Variants in CIAPIN1 observed in about 807,000 individuals in gnomAD.
The protein encoded by CIAPIN1 is cytokine induced apoptosis inhibitor 1.
A neutral mutation model predicts 34.3 loss-of-function variants in CIAPIN1; 18 were observed. That is an observed-to-expected ratio of 0.52 (90% CI 0.36 to 0.78). CIAPIN1 has a LOEUF of 0.78. CIAPIN1 is among the 30% of genes least tolerant of loss of function. CIAPIN1 has a pLI of 0.00. For missense variants in CIAPIN1, 310 were observed against 372.5 expected (o/e 0.83, Z 1.38); for synonymous variants, 131 against 140.4 (o/e 0.93, Z 0.47).
At position 57,428,996 on chromosome 16, in the gene CIAPIN1, C is replaced by T. The variant is rs1475993303; in HGVS notation, c.*174G>A. ...AATACCTTGGTCTTTTGATACACAGCAGCACTACACACCACTGTGCCCCCC... is the reference window on the plus strand; with the variant it reads ...AATACCTTGGTCTTTTGATACACAGTAGCACTACACACCACTGTGCCCCCC... On this transcript the variant is annotated 3_prime_UTR_variant, in exon 9 of 9. Coordinates refer to ENST00000394391, the MANE Select transcript of CIAPIN1 (RefSeq NM_020313.4). 2.2e-5 allele frequency: 13 copies of T among 584,406 alleles called. No homozygotes were observed. The highest frequency in any genetic ancestry group is 3.7e-5 in the Non-Finnish European group (12 of 325,490). The allele number at this position is 584,406 out of a possible 1,614,324, so 36.2% of individuals were successfully genotyped here.
At chr16:57,437,853 T>A (rs1903239900) in intron 3 of CIAPIN1, among the ~76,000 whole-genome samples, 2 of 152,280 alleles carry the variant, frequency 1.3e-5, no homozygotes, top group Admixed American at 6.5e-5. Flanking sequence ...ATTTGACAAA[T>A]CCTTTTTGTT....
At chr16:57,429,531 A>G (rs1036536892) in intron 8 of CIAPIN1, among the ~76,000 whole-genome samples, 5 of 151,858 alleles carry the variant, frequency 3.3e-5, no homozygotes, top group Non-Finnish European at 5.9e-5. Context: ...TCCCTCTGTC[A>G]CCCAGGCTGG....
intron 8 of CIAPIN1, among the ~76,000 whole-genome samples, chr16:57,429,561 A>G (rs957789934): frequency 8.6e-5 from 13 of 151,404 alleles, no homozygotes; most frequent in East Asian, 1.9e-4. Flanking sequence ...GCGCGATCTC[A>G]GCTCACTGCA....
chr16:57,436,524 G>A lies in CIAPIN1; in HGVS notation c.387+132C>T, dbSNP rs1598025148. 1.2e-5 allele frequency: 6 copies of A among 504,772 alleles called. No homozygotes were observed. In the East Asian group the frequency reaches 1.4e-4, roughly 11 times the overall value. 31.3% of individuals were successfully genotyped at this position (504,772 alleles called of 1,614,324 possible). ...ATTACAGACGTGAGCCACCACACCC[G>A]GCCGATTCTCCCAAGTTTTGTCCTT... On this transcript the variant is annotated intron_variant, in intron 4 of 8. Transcript: ENST00000394391.
chr16:57,433,911 T>C (rs1157998661), intron 5 of CIAPIN1, 133 bp downstream of exon 5: 3 of 821,580 alleles, frequency 3.7e-6, no homozygotes, highest in African/African-American at 1.7e-5. Context: ...TTAAGTATTC[T>C]TCTTTGTGGA....
chr16:57,441,961 C>G (rs1394421367), intron 1 of CIAPIN1, among the ~76,000 whole-genome samples: 1 of 152,234 alleles, frequency 6.6e-6, no homozygotes, highest in Non-Finnish European at 1.5e-5. Context: ...ACACTTCAGA[C>G]TTCTGCAGAG....
At chr16:57,430,172 A>G (rs1903055014) in intron 8 of CIAPIN1, 86 bp downstream of exon 8, 2 of 1,110,962 alleles carry the variant, frequency 1.8e-6, no homozygotes, top group Admixed American at 3.5e-5. Flanking sequence ...AAAATATTTG[A>G]GGTGGAGCTT....
intron 5 of CIAPIN1, 138 bp downstream of exon 5, chr16:57,433,906 T>A (rs1303271854): frequency 1.8e-5 from 14 of 774,876 alleles, no homozygotes; most frequent in South Asian, 1.7e-4. Flanking sequence ...GTACATTAAG[T>A]ATTCTTCTTT....
At chr16:57,436,186 T>G (rs1207970533) in intron 4 of CIAPIN1, among the ~76,000 whole-genome samples, 1 of 152,210 alleles carries the variant, frequency 6.6e-6, no homozygotes, top group Non-Finnish European at 1.5e-5. Flanking sequence ...TGGGCCAAGC[T>G]GAGTCTCTTT....
chr16:57,432,520 G>A lies in CIAPIN1; in HGVS notation c.597C>T (p.Thr199=), dbSNP rs1008264521. 14 of 1,613,224 alleles carry A rather than the reference G, an allele frequency of 8.7e-6. No homozygotes were observed. The highest frequency in any genetic ancestry group is 1.2e-5 in the Non-Finnish European group (14 of 1,179,892). ...AVDPAAAKLW[T]LSANDMEDDS... Reference sequence around the variant, plus strand: ...CGTCCTCCATATCGTTGGCTGAGAGGGTCCACAGCTTGGCAGCAGCAGGGT... The same window carrying A: ...CGTCCTCCATATCGTTGGCTGAGAGAGTCCACAGCTTGGCAGCAGCAGGGT... Residue 199 remains threonine, a synonymous_variant, in exon 6 of 9, where the codon ACC becomes ACT. Coordinates refer to ENST00000394391, the MANE Select transcript of CIAPIN1 (RefSeq NM_020313.4).
At chr16:57,447,155 C>A (rs1410614733) in intron 1 of CIAPIN1, among the ~76,000 whole-genome samples, 187 bp downstream of exon 1, 1 of 152,322 alleles carries the variant, frequency 6.6e-6, no homozygotes, top group Non-Finnish European at 1.5e-5. Context: ...AGGTTAGGGC[C>A]GGCCCTGGCC....
chr16:57,440,838 T>C lies in CIAPIN1; in HGVS notation c.91A>G (p.Lys31Glu), dbSNP rs181730613. 59 of 1,613,994 alleles carry C rather than the reference T, an allele frequency of 3.7e-5. No homozygotes were observed. In the African/African-American group the frequency reaches 6.3e-4, roughly 17 times the overall value. Residue 31 changes from lysine (K) to glutamate (E), a missense_variant, in exon 2 of 9, where the codon AAG becomes GAG. By Grantham distance (56) the Lys-to-Glu change is moderately conservative. Transcript: ENST00000394391. ...TCATTGCCGGTTAACGCTTGAAGCT[T>C]ATCCACCAGACCTTTCAGAGCCTCC... is the stretch of plus-strand genomic sequence containing the variant. ...PVEALKGLVD[K>E]LQALTGNEGR... is the part of the protein sequence containing the mutation.
chr16:57,430,042 TA>T (rs1903051381), intron 8 of CIAPIN1, among the ~76,000 whole-genome samples: 1 of 151,988 alleles, frequency 6.6e-6, no homozygotes, highest in East Asian at 1.9e-4. Flanking sequence ...GGGCCAAAAA[TA>T]AAAAGCAACA....
intron 1 of CIAPIN1, among the ~76,000 whole-genome samples, chr16:57,445,980 G>A (rs1188143102): frequency 6.6e-6 from 1 of 151,372 alleles, no homozygotes; most frequent in Non-Finnish European, 1.5e-5. Context: ...CAAATAGCTG[G>A]GATTACAGGC....
At position 57,436,709 on chromosome 16, in the gene CIAPIN1, C is replaced by T. The variant is rs377204698; in HGVS notation, c.334G>A (p.Ala112Thr). 8.4e-5 allele frequency: 136 copies of T among 1,613,872 alleles called. No homozygotes were observed. The highest frequency in any genetic ancestry group is 1.1e-4 in the Non-Finnish European group (128 of 1,179,826). The change falls in exon 4 of 9, where the codon GCA becomes ACA. Residue 112 changes from alanine (A) to threonine (T), a missense_variant. Coordinates refer to ENST00000394391, the MANE Select transcript of CIAPIN1 (RefSeq NM_020313.4). ...GTCAGGGCTGAACACAGCTTAGATG[C>T]TGTCTTCACTTTGCTATTGTTATCT... The part of the protein sequence containing the change: ...AVDNNSKVKT[A>T]SKLCSALTLS...
intron 1 of CIAPIN1, among the ~76,000 whole-genome samples, chr16:57,441,582 T>G (rs1567573872): frequency 6.6e-6 from 1 of 152,194 alleles, no homozygotes; most frequent in Non-Finnish European, 1.5e-5. Flanking sequence ...CAGAACAGCC[T>G]TAAACTAGAT....
Position 57,434,193 on chromosome 16 carries a change from G to A in CIAPIN1, c.407C>T (p.Thr136Ile), listed in dbSNP as rs768900319. The A allele has an allele frequency of 3.8e-5, 62 of 1,613,942 alleles. 1 individual carries two copies. Among genetic ancestry groups the A allele is most frequent in the Middle Eastern group, 1.6e-4 (1 of 6,080 alleles). Reference protein sequence around the residue: ...EVKELQREPLTPEEVQSVREH... With the variant: ...EVKELQREPLIPEEVQSVREH... ...TCGAACAGACTGTACTTCCTCAGGG[G>A]TTAGGGGCTCCCGCTGCAGCTAGAA... Residue 136 changes from threonine to isoleucine, a missense_variant, in exon 5 of 9, where the codon ACC (threonine) becomes ATC (isoleucine). Coordinates refer to ENST00000394391, the MANE Select transcript of CIAPIN1 (RefSeq NM_020313.4).
Position 57,432,555 on chromosome 16 carries a change from G to A in CIAPIN1, c.562C>T (p.Pro188Ser). The A allele has an allele frequency of 6.2e-7, 1 of 1,612,324 alleles. No individual in the cohort carries two copies. The highest frequency in any genetic ancestry group is 8.5e-7 in the Non-Finnish European group (1 of 1,179,662). The stretch of plus-strand genomic sequence containing the variant: ...TTGGCAGCAGCAGGGTCCACAGCAG[G>A]TTTCACTGAGTCCAAGCAATAAAAG... ...ITKKSSPSVK[P>S]AVDPAAAKLW... Residue 188 changes from proline (P) to serine (S), a missense_variant, in exon 6 of 9, where the codon CCT becomes TCT. Pro to Ser is a moderately conservative substitution (Grantham distance 74). Transcript: ENST00000394391.
rs1479202972 is a variant in CIAPIN1, at chr16:57,432,507, C to T, written c.610G>A (p.Asp204Asn). ...CTCACCATGCTGTCGTCCTCCATAT[C>T]GTTGGCTGAGAGGGTCCACAGCTTG... ...AAKLWTLSAN[D>N]MEDDSMDLID... Residue 204 changes from aspartate (D) to asparagine (N), a missense_variant, in exon 6 of 9, where the codon GAT (aspartate) becomes AAT (asparagine). Coordinates refer to ENST00000394391, the MANE Select transcript of CIAPIN1 (RefSeq NM_020313.4). 7 of 1,613,588 alleles carry T rather than the reference C, an allele frequency of 4.3e-6. No individual in the cohort carries two copies. Among genetic ancestry groups the T allele is most frequent in the South Asian group, 2.2e-5 (2 of 91,050 alleles).
Sources: allele counts gnomAD v4.1 joint callset (sites outside exome capture counted in the v4.1 genomes callset), GRCh38; gene constraint gnomAD v4.1.1; transcripts MANE v1.5; gene names NCBI Gene and HGNC (gene_info 2026-07-23, HGNC 2026-07-21).